Variants in NTRK2 observed in about 807,000 individuals in gnomAD.
The protein encoded by NTRK2 is BDNF/NT-3 growth factors receptor.
Under a neutral mutation model 94.5 loss-of-function variants are expected in NTRK2, and 13 were observed. The ratio of observed to expected loss-of-function variants is 0.14; its 90% CI spans 0.09 to 0.22. The LOEUF (loss-of-function observed/expected upper bound fraction) is 0.22, where lower values mean the gene tolerates loss of function less well. Ranked by LOEUF, NTRK2 falls within the 10% of genes least tolerant of loss-of-function variation. The probability of loss-of-function intolerance (pLI) is 1.00; values close to 1 mark genes in which losing one functional copy is unlikely to be tolerated. For missense variants in NTRK2, 639 were observed against 1,071.2 expected (o/e 0.60, Z 5.63); for synonymous variants, 372 against 407.4 (o/e 0.91, Z 1.05).
chr9:84,752,676 G>T (rs2132507731), intron 12 of NTRK2, among the ~76,000 whole-genome samples: 1 of 152,310 alleles, frequency 6.6e-6, no homozygotes, highest in Non-Finnish European at 1.5e-5. Flanking sequence ...ACCCAAAATA[G>T]ATAACTTGTC....
chr9:84,777,964 T>G (rs373884881), intron 12 of NTRK2, among the ~76,000 whole-genome samples: 26 of 152,330 alleles, frequency 1.7e-4, no homozygotes, highest in African/African-American at 5.3e-4. Context: ...AATTTGATTT[T>G]TCGAAAAAGC....
chr9:84,735,202 G>T (rs2132204084), intron 9 of NTRK2, among the ~76,000 whole-genome samples: 1 of 152,094 alleles, frequency 6.6e-6, no homozygotes, highest in East Asian at 1.9e-4. Flanking sequence ...AAAATAAAAA[G>T]AAATAAAAAT....
At chr9:84,992,792 T>C (rs1271326919) in intron 17 of NTRK2, among the ~76,000 whole-genome samples, 2 of 152,156 alleles carry the variant, frequency 1.3e-5, no homozygotes, top group African/African-American at 2.4e-5. Flanking sequence ...GTGCTATCAC[T>C]ATGCTTATAT....
intron 17 of NTRK2, among the ~76,000 whole-genome samples, chr9:85,007,287 A>G (rs1305335905): frequency 1.3e-5 from 2 of 152,258 alleles, no homozygotes; most frequent in South Asian, 2.1e-4. Flanking sequence ...TGAGGGACCT[A>G]TGCCATCAGA....
chr9:84,873,497 G>C (rs1195889015), intron 14 of NTRK2: 1 of 1,059,034 alleles, frequency 9.4e-7, no homozygotes, highest in Non-Finnish European at 1.1e-6. Context: ...CCCTCTCAGT[G>C]CCACGGCCCC....
intron 14 of NTRK2, chr9:84,872,551 A>G: frequency 1.9e-6 from 2 of 1,064,346 alleles, no homozygotes; most frequent in Non-Finnish European, 2.3e-6. Flanking sequence ...TGCCCTCTTC[A>G]TGTGCCTAGG....
At chr9:84,874,357 A>G (rs184991122) in intron 14 of NTRK2, 16 of 1,065,170 alleles carry the variant, frequency 1.5e-5, no homozygotes, top group Middle Eastern at 4.2e-4. Context: ...CTATTATAAC[A>G]AAGTGAAGGT....
At chr9:84,852,419 A>G (rs2074821208) in intron 12 of NTRK2, among the ~76,000 whole-genome samples, 1 of 152,236 alleles carries the variant, frequency 6.6e-6, no homozygotes, top group African/African-American at 2.4e-5. Context: ...GAAAATGTTT[A>G]TAAAGCATTT....
chr9:84,682,914 A>G (rs1265042038), intron 2 of NTRK2, among the ~76,000 whole-genome samples: 2 of 152,182 alleles, frequency 1.3e-5, no homozygotes, highest in Non-Finnish European at 2.9e-5. Flanking sequence ...TATTTAACCA[A>G]CTTCTTACTG....
In NTRK2 at chr9:84,948,720, C is replaced by A; in HGVS notation, c.1937+86C>A. 4 of 1,202,860 alleles carry A rather than the reference C, an allele frequency of 3.3e-6. No individual in the cohort carries two copies. The African/African-American group carries it at 4.5e-5, about 14-fold the overall frequency. 74.5% of individuals were successfully genotyped at this position (1,202,860 alleles called of 1,614,324 possible). Reference sequence around the variant, plus strand: ...AGGGTTCATGGGAGGGAACAAGGGACCCCTGGACCTTTCTCGAAGCATCTT... The same window carrying A: ...AGGGTTCATGGGAGGGAACAAGGGAACCCTGGACCTTTCTCGAAGCATCTT... On this transcript the variant is annotated intron_variant, in intron 16 of 18. Transcript: ENST00000277120.
At chr9:84,901,388 A>AT (rs2076925101) in intron 14 of NTRK2, among the ~76,000 whole-genome samples, 1 of 151,548 alleles carries the variant, frequency 6.6e-6, no homozygotes, top group South Asian at 2.1e-4. Context: ...ACATCCAGCT[A>AT]TTTTTGTGTG....
intron 17 of NTRK2, among the ~76,000 whole-genome samples, chr9:84,974,019 G>A (rs1368593430): frequency 1.3e-5 from 2 of 151,704 alleles, no homozygotes; most frequent in African/African-American, 2.4e-5. Context: ...TTATCTGCTG[G>A]CCTTACAGGT....
At chr9:84,799,321 T>C (rs1211493677) in intron 12 of NTRK2, among the ~76,000 whole-genome samples, 1 of 152,070 alleles carries the variant, frequency 6.6e-6, no homozygotes, top group African/African-American at 2.4e-5. Context: ...AAAATTAGGA[T>C]GATAGTGGCA....
chr9:84,924,231 GAAAGAAAGAAAGAAA>G (rs2077668522), intron 14 of NTRK2, among the ~76,000 whole-genome samples: 1 of 32,024 alleles, frequency 3.1e-5, no homozygotes, highest in African/African-American at 1.2e-4. Flanking sequence ...AAAGAAAGTA[GAAAGAAAGAAAGAAA>G]GAAAGAAAGA....
intron 14 of NTRK2, among the ~76,000 whole-genome samples, chr9:84,926,165 C>CTTTCTTTCTTTCTTT (rs2077786173): frequency 2.5e-4 from 12 of 48,398 alleles, no homozygotes; most frequent in East Asian, 5.5e-4. Flanking sequence ...TTCCTTCCTT[C>CTTTCTTTCTTTCTTT]CTTCCTTTCT....
intron 12 of NTRK2, among the ~76,000 whole-genome samples, chr9:84,807,994 C>T (rs72737695): frequency 8.5e-4 from 130 of 152,248 alleles, no homozygotes; most frequent in Non-Finnish European, 1.6e-3. Context: ...GGCTTTTCCT[C>T]AGAAGAAAAA....
At position 84,861,196 on chromosome 9, in the gene NTRK2, G is replaced by C. The variant is rs1356375078; in HGVS notation, c.1444+109G>C. On this transcript the variant is annotated intron_variant, in intron 13 of 18. Transcript: ENST00000277120. ...TTCCACGGTCTTTGATTCATTTTCT[G>C]TGTTCCTGGTTTTTGATTTGTTGAA... 4 of 875,752 alleles carry C rather than the reference G, an allele frequency of 4.6e-6. No individual in the cohort carries two copies. The South Asian group carries it at 6.3e-5, about 14-fold the overall frequency. 54.2% of individuals were successfully genotyped at this position (875,752 alleles called of 1,614,324 possible).
At chr9:84,805,423 A>G (rs1266389227) in intron 12 of NTRK2, among the ~76,000 whole-genome samples, 1 of 152,206 alleles carries the variant, frequency 6.6e-6, no homozygotes, top group South Asian at 2.1e-4. Context: ...TCCCCAGTAG[A>G]TTAAAATGCT....
chr9:84,709,650 G>A lies in NTRK2; in HGVS notation c.429-987G>A, dbSNP rs1049280210. Among the ~76,000 whole-genome samples, 9 of 152,052 alleles carry A rather than the reference G, an allele frequency of 5.9e-5. No homozygotes were observed. In the South Asian group the frequency reaches 1.0e-3, roughly 18 times the overall value. On this transcript the variant is annotated intron_variant, in intron 5 of 18. Coordinates refer to ENST00000277120, the MANE Select transcript of NTRK2 (RefSeq NM_006180.6). ...TGCAAAGCCCAGGTCCTGTCTTCAC[G>A]GAAATCTTAAGTATTGTGGTTAATG...
Sources: allele counts gnomAD v4.1 joint callset (sites outside exome capture counted in the v4.1 genomes callset), GRCh38; gene constraint gnomAD v4.1.1; transcripts MANE v1.5; gene names NCBI Gene and HGNC (gene_info 2026-07-23, HGNC 2026-07-21).